PREX2: variants seen among roughly 807,000 people sequenced by gnomAD.
PREX2 encodes phosphatidylinositol 3,4,5-trisphosphate-dependent Rac exchanger 2 protein.
A neutral mutation model predicts 203.2 loss-of-function variants in PREX2; 107 were observed. The ratio of observed to expected loss-of-function variants is 0.53; its 90% confidence interval spans 0.45 to 0.62. The LOEUF (loss-of-function observed/expected upper bound fraction) is 0.62, where lower values mean the gene tolerates loss of function less well. Ranked by LOEUF, PREX2 falls within the 20% of genes least tolerant of loss-of-function variation. The probability of loss-of-function intolerance (pLI) is 0.00; values close to 1 mark genes in which losing one functional copy is unlikely to be tolerated. For missense variants in PREX2, 1,777 were observed against 1,955.9 expected, an observed-to-expected ratio of 0.91 and a Z score of 1.72; for synonymous variants, 672 against 663.6, an observed-to-expected ratio of 1.01 and a Z score of -0.19.
chr8:68,014,441 G>A (rs1375068765), intron 1 of PREX2, among the ~76,000 whole-genome samples: 1 of 151,898 alleles, frequency 6.6e-6, no homozygotes, highest in African/African-American at 2.4e-5. Context: ...AAAGATCCTC[G>A]GGGTGCGGGG....
chr8:68,182,921 A>G (rs1470719944), intron 35 of PREX2, among the ~76,000 whole-genome samples: 1 of 151,450 alleles, frequency 6.6e-6, no homozygotes, highest in African/African-American at 2.4e-5. Context: ...AGTTTTGCCA[A>G]GCAGAAGGAG....
chr8:68,058,257 A>T (rs1897875), intron 10 of PREX2, among the ~76,000 whole-genome samples: 44,416 of 152,004 alleles, frequency 0.29, 9,017 homozygotes, highest in African/African-American at 0.58. Context: ...TCATTGTAAT[A>T]TGACATTTTC....
intron 15 of PREX2, among the ~76,000 whole-genome samples, chr8:68,080,126 T>A (rs1809468651): frequency 1.3e-5 from 2 of 152,226 alleles, no homozygotes; most frequent in Admixed American, 6.5e-5. Flanking sequence ...TTCATTATAA[T>A]CTTTTATTTA....
At position 68,087,657 on chromosome 8, in the gene PREX2, C is replaced by A; in HGVS notation, c.2028-67C>A. On this transcript the variant is annotated intron_variant, in intron 18 of 39. Coordinates refer to ENST00000288368, the MANE Select transcript of PREX2 (RefSeq NM_024870.4). ...ATTTATTGAGAGGTGTAAAGCTGTA[C>A]ACGACGATTATTTCAACCAGTTTTG... 10 of 1,110,732 alleles carry A rather than the reference C, an allele frequency of 9.0e-6. 1 individual carries two copies. The highest frequency in any genetic ancestry group is 2.0e-4 in the Middle Eastern group (1 of 4,932). 68.8% of individuals were successfully genotyped at this position (1,110,732 alleles called of 1,614,324 possible). A position where few individuals can be genotyped will look rare whatever the true frequency, so the allele number is the denominator to read the frequency against.
chr8:68,133,996 C>A, intron 31 of PREX2, 63 bp from the exon 32 acceptor site: 2 of 1,250,238 alleles, frequency 1.6e-6, no homozygotes, highest in Non-Finnish European at 2.3e-6. Context: ...AGATGCTGAA[C>A]GCATTGGTTT....
At chr8:68,141,879 T>C (rs534481260) in intron 33 of PREX2, among the ~76,000 whole-genome samples, 5 of 152,322 alleles carry the variant, frequency 3.3e-5, no homozygotes, top group South Asian at 2.1e-4. Flanking sequence ...GTCCTAATTA[T>C]CAAGTTTGTT....
chr8:68,152,040 A>G lies in PREX2; in HGVS notation c.4232-5282A>G, dbSNP rs550389192. The stretch of plus-strand genomic sequence containing the variant: ...CGTGGTGGCTCACGCCTGTAATCCC[A>G]GCACTTTGGGAGGCTGAGGTGGGTG... On this transcript the variant is annotated intron_variant, in intron 34 of 39. Coordinates refer to ENST00000288368, the MANE Select transcript of PREX2 (RefSeq NM_024870.4). 6.1e-4 allele frequency among the ~76,000 whole-genome samples: 93 copies of G among 152,048 alleles called. 1 individual carries two copies. The highest frequency in any genetic ancestry group is 1.1e-3 in the Non-Finnish European group (77 of 67,948).
intron 1 of PREX2, among the ~76,000 whole-genome samples, chr8:67,971,948 G>T (rs1408431737): frequency 2.0e-5 from 3 of 152,166 alleles, no homozygotes; most frequent in Non-Finnish European, 4.4e-5. Context: ...GAGGACTGAT[G>T]TATTTTCCAA....
intron 1 of PREX2, among the ~76,000 whole-genome samples, chr8:67,997,983 T>A (rs4557687): frequency 0.68 from 104,075 of 151,988 alleles, 35,863 homozygotes; most frequent in South Asian, 0.81. Flanking sequence ...TTCTATTCAT[T>A]TGTTCACCAC....
intron 1 of PREX2, among the ~76,000 whole-genome samples, chr8:67,995,537 T>C (rs113470576): frequency 1.6e-4 from 25 of 152,208 alleles, no homozygotes; most frequent in African/African-American, 6.0e-4. Flanking sequence ...GAAAAAACTA[T>C]ATTTACGTTG....
intron 14 of PREX2, among the ~76,000 whole-genome samples, chr8:68,077,164 A>G (rs972178526): frequency 2.6e-5 from 4 of 152,250 alleles, no homozygotes; most frequent in Admixed American, 2.6e-4. Flanking sequence ...ACAATAAAGT[A>G]TGTTTGTTTC....
intron 31 of PREX2, among the ~76,000 whole-genome samples, chr8:68,129,864 C>T (rs1810966577): frequency 7.1e-6 from 1 of 140,400 alleles, no homozygotes; most frequent in Non-Finnish European, 1.5e-5. Context: ...TAATAAAAAT[C>T]TTACTCTACA....
At chr8:68,139,477 A>G (rs1274771215) in intron 33 of PREX2, among the ~76,000 whole-genome samples, 1 of 152,212 alleles carries the variant, frequency 6.6e-6, no homozygotes, top group Non-Finnish European at 1.5e-5. Context: ...TATGAAGGGC[A>G]TGCCAGCTGT....
Position 68,090,675 on chromosome 8 carries a change from C to G in PREX2, c.2210C>G (p.Ala737Gly). The change falls in exon 20 of 40, where the codon GCA becomes GGA. Residue 737 changes from alanine to glycine, a missense_variant. Coordinates refer to ENST00000288368, the MANE Select transcript of PREX2 (RefSeq NM_024870.4). ...AAAGAGACACATGCCAGTGTCATTGCACACGTTACAGCCTGCAGGAAGTAC... is the reference window on the plus strand; with the variant it reads ...AAAGAGACACATGCCAGTGTCATTGGACACGTTACAGCCTGCAGGAAGTAC... ...VSKETHASVI[A>G]HVTACRKYRR... is the part of the protein sequence containing the mutation. 6.2e-7 allele frequency: 1 copy of G among 1,613,936 alleles called. No homozygotes were observed. Among genetic ancestry groups the G allele is most frequent in the Non-Finnish European group, 8.5e-7 (1 of 1,179,864 alleles).
In PREX2 at chr8:68,187,295, A is replaced by G. The variant is rs908105882; in HGVS notation, c.4347-4427A>G. On this transcript the variant is annotated intron_variant, in intron 35 of 39. Transcript: ENST00000288368. ...ACTTGCACACTGATCATGAAATTAC[A>G]TAGATTCCAAATATCTACTTAATTT... Among the ~76,000 whole-genome samples, 17 of 152,298 alleles carry G rather than the reference A, an allele frequency of 1.1e-4. No individual in the cohort carries two copies. In the South Asian group the frequency reaches 3.3e-3, roughly 30 times the overall value.
chr8:68,069,019 T>G lies in PREX2; in HGVS notation c.1340-14T>G. The G allele has an allele frequency of 1.8e-6, 2 of 1,128,888 alleles. No individual in the cohort carries two copies. Among genetic ancestry groups the G allele is most frequent in the Non-Finnish European group, 2.5e-6 (2 of 786,698 alleles). 69.9% of individuals were successfully genotyped at this position (1,128,888 alleles called of 1,614,324 possible). On this transcript the variant is annotated splice_polypyrimidine_tract_variant and intron_variant, in intron 11 of 39. Coordinates refer to ENST00000288368, the MANE Select transcript of PREX2 (RefSeq NM_024870.4). Reference sequence around the variant, plus strand: ...GAGTATCGTTATTTTAATATAGTATTTCTATGTTCTTAGTTACTGATAAAC... The same window carrying G: ...GAGTATCGTTATTTTAATATAGTATGTCTATGTTCTTAGTTACTGATAAAC...
chr8:68,112,968 A>G (rs1225788443), intron 25 of PREX2, among the ~76,000 whole-genome samples: 2 of 152,190 alleles, frequency 1.3e-5, no homozygotes, highest in African/African-American at 4.8e-5. Flanking sequence ...TACTGTATAC[A>G]AAAATCTTTC....
At position 68,053,481 on chromosome 8, in the gene PREX2, T is replaced by C. The variant is rs187921776; in HGVS notation, c.1093+235T>C. On this transcript the variant is annotated intron_variant, in intron 9 of 39. Coordinates refer to ENST00000288368, the MANE Select transcript of PREX2 (RefSeq NM_024870.4). ...TTATTTGATACTTACAAAATTGTTATGTAATACTTATATAGTTAGCAAAAT... is the reference window on the plus strand; with the variant it reads ...TTATTTGATACTTACAAAATTGTTACGTAATACTTATATAGTTAGCAAAAT... Among the ~76,000 whole-genome samples the C allele has an allele frequency of 3.3e-5, 5 of 152,360 alleles. No individual in the cohort carries two copies. The East Asian group carries it at 9.6e-4, about 29-fold the overall frequency.
rs762530344 is a variant in PREX2, at chr8:68,056,011, C to T, written c.1238+37C>T. 22 of 1,569,564 alleles carry T rather than the reference C, an allele frequency of 1.4e-5. No homozygotes were observed. The South Asian group carries it at 2.6e-4, about 18-fold the overall frequency. On this transcript the variant is annotated intron_variant, in intron 10 of 39. Transcript: ENST00000288368. ...AGTTTGGGTGCATGACTTTCTTTTA[C>T]ATTCTCATTGTCTCACCTGTTAACT...
Sources: allele counts gnomAD v4.1 joint callset (sites outside exome capture counted in the v4.1 genomes callset), GRCh38; gene constraint gnomAD v4.1.1; transcripts MANE v1.5; gene names NCBI Gene and HGNC (gene_info 2026-07-23, HGNC 2026-07-21).